SAMD4A: variants seen among roughly 807,000 people sequenced by gnomAD.
SAMD4A encodes the protein sterile alpha motif domain containing 4A.
Under a neutral mutation model 81.3 loss-of-function variants are expected in SAMD4A, and 33 were observed. That is an observed-to-expected ratio of 0.41 (90% CI 0.31 to 0.54). The LOEUF (loss-of-function observed/expected upper bound fraction) is 0.54, where lower values mean the gene tolerates loss of function less well. SAMD4A is among the 20% of genes least tolerant of loss of function. The pLI, the probability that SAMD4A is intolerant of heterozygous loss-of-function variation, is 0.37. For missense variants in SAMD4A, 854 were observed against 951.1 expected (o/e 0.90, Z 1.34); for synonymous variants, 389 against 382.1 (o/e 1.02, Z -0.21).
At chr14:54,577,039 AGGAG>A (rs1432961825) in intron 2 of SAMD4A, among the ~76,000 whole-genome samples, 1 of 152,214 alleles carries the variant, frequency 6.6e-6, no homozygotes, top group African/African-American at 2.4e-5. Context: ...GAAACAAGGA[AGGAG>A]GAAGAGCCAA....
At position 54,665,441 on chromosome 14, in the gene SAMD4A, G is replaced by T. The variant is rs547554838; in HGVS notation, c.197-36621G>T. 1.4e-4 allele frequency among the ~76,000 whole-genome samples: 22 copies of T among 152,252 alleles called. No homozygotes were observed. In the South Asian group the frequency reaches 3.5e-3, roughly 24 times the overall value. ...GATAGATGTGAGGTGTTTTATTCTA[G>T]AGCATAAACTAGATGCTTCTTTCAA... On this transcript the variant is annotated intron_variant, in intron 2 of 12. Coordinates refer to ENST00000554335, the MANE Select transcript of SAMD4A (RefSeq NM_015589.6).
Position 54,750,058 on chromosome 14 carries a change from G to A in SAMD4A, c.1089+1134G>A, listed in dbSNP as rs371533955. On this transcript the variant is annotated intron_variant, in intron 5 of 12. Coordinates refer to ENST00000554335, the MANE Select transcript of SAMD4A (RefSeq NM_015589.6). Reference sequence around the variant, plus strand: ...TTTCTCCCACCTCTTTTTGGATCTTGATTGCTCCTTGAAATCCCAGGGGTT... The same window carrying A: ...TTTCTCCCACCTCTTTTTGGATCTTAATTGCTCCTTGAAATCCCAGGGGTT... Among the ~76,000 whole-genome samples, 166 of 152,248 alleles carry A rather than the reference G, an allele frequency of 1.1e-3. 1 individual carries two copies. The highest frequency in any genetic ancestry group is 3.6e-3 in the African/African-American group (151 of 41,536).
At chr14:54,602,375 C>CACACACACACAT (rs1491307995) in intron 2 of SAMD4A, among the ~76,000 whole-genome samples, 1 of 134,556 alleles carries the variant, frequency 7.4e-6, no homozygotes, top group African/African-American at 2.8e-5. Flanking sequence ...CACACACACA[C>CACACACACACAT]GAAACACCAG....
intron 2 of SAMD4A, among the ~76,000 whole-genome samples, chr14:54,662,548 T>G (rs2035666924): frequency 1.3e-5 from 2 of 152,030 alleles, no homozygotes; most frequent in Non-Finnish European, 2.9e-5. Context: ...TAACTGGGAC[T>G]ACAGGTGCAT....
chr14:54,782,793 A>G (rs754110111), intron 11 of SAMD4A, among the ~76,000 whole-genome samples: 2 of 152,236 alleles, frequency 1.3e-5, no homozygotes, highest in African/African-American at 2.4e-5. Flanking sequence ...AATGTATAGC[A>G]AATCAAGGAA....
Position 54,724,754 on chromosome 14 carries a change from G to A in SAMD4A, c.716-12270G>A, listed in dbSNP as rs371980881. ...AGGAGACCTGGGAACAGGGAAGAACGGTATAATTTGGTGCATTCCTTTCTC... is the reference window on the plus strand; with the variant it reads ...AGGAGACCTGGGAACAGGGAAGAACAGTATAATTTGGTGCATTCCTTTCTC... On this transcript the variant is annotated intron_variant, in intron 3 of 12. Transcript: ENST00000554335. Among the ~76,000 whole-genome samples the A allele has an allele frequency of 1.3e-4, 20 of 152,324 alleles. 1 individual carries two copies. Among genetic ancestry groups the A allele is most frequent in the East Asian group, 5.8e-4 (3 of 5,188 alleles).
intron 2 of SAMD4A, among the ~76,000 whole-genome samples, chr14:54,595,182 G>A (rs2033879106): frequency 6.6e-6 from 1 of 151,932 alleles, no homozygotes; most frequent in Admixed American, 6.6e-5. Context: ...CCAACACAAA[G>A]GTCACTTCTC....
intron 2 of SAMD4A, among the ~76,000 whole-genome samples, chr14:54,639,829 T>C (rs201192863): frequency 1.0e-4 from 13 of 126,386 alleles, no homozygotes; most frequent in Non-Finnish European, 1.7e-4. Context: ...CACACACACG[T>C]ACACACCACT....
At chr14:54,613,841 C>T (rs934899522) in intron 2 of SAMD4A, among the ~76,000 whole-genome samples, 3 of 152,202 alleles carry the variant, frequency 2.0e-5, no homozygotes, top group South Asian at 2.1e-4. Context: ...AGGTCAAACC[C>T]GTTTTCACAA....
chr14:54,574,073 G>A (rs1262889569), intron 2 of SAMD4A, among the ~76,000 whole-genome samples: 1 of 152,144 alleles, frequency 6.6e-6, no homozygotes, highest in African/African-American at 2.4e-5. Context: ...AAGTGTATTT[G>A]GTAAGAAAGT....
intron 2 of SAMD4A, among the ~76,000 whole-genome samples, chr14:54,611,043 T>G (rs1039485812): frequency 3.9e-5 from 6 of 152,186 alleles, no homozygotes; most frequent in African/African-American, 1.4e-4. Context: ...AAAAATCACA[T>G]TAATTGTGAT....
intron 4 of SAMD4A, 38 bp downstream of exon 4, chr14:54,737,325 C>T: frequency 1.2e-6 from 2 of 1,609,578 alleles, no homozygotes; most frequent in Non-Finnish European, 1.7e-6. Context: ...GGAAAGAGCC[C>T]CTCCCTTTAT....
Position 54,791,269 on chromosome 14 carries a change from G to GA in SAMD4A, c.*2331dup, listed in dbSNP as rs998890987. ...ATACTGAGAAAGTGAATAAAGAGGA[G>GA]AAAAAACCATGGTATTACACATCTT... On this transcript the variant is annotated 3_prime_UTR_variant, in exon 13 of 13. Transcript: ENST00000554335. The GA allele has an allele frequency of 5.9e-5, 9 of 152,134 alleles. No individual in the cohort carries two copies. The highest frequency in any genetic ancestry group is 2.1e-4 in the South Asian group (1 of 4,814). 9.4% of individuals were successfully genotyped at this position (152,134 alleles called of 1,614,324 possible). A position where few individuals can be genotyped will look rare whatever the true frequency, so the allele number is the denominator to read the frequency against.
chr14:54,722,143 T>C (rs1293498831), intron 3 of SAMD4A, among the ~76,000 whole-genome samples: 2 of 152,208 alleles, frequency 1.3e-5, no homozygotes, highest in Non-Finnish European at 2.9e-5. Flanking sequence ...AGATGTTGCT[T>C]TTTCCAGTCC....
intron 2 of SAMD4A, among the ~76,000 whole-genome samples, chr14:54,699,107 A>G (rs1259023706): frequency 6.6e-6 from 1 of 152,198 alleles, no homozygotes; most frequent in Non-Finnish European, 1.5e-5. Flanking sequence ...TGATTACAGT[A>G]GGCTTACAGC....
chr14:54,780,167 G>A (rs1008097206), intron 11 of SAMD4A, among the ~76,000 whole-genome samples: 1 of 152,166 alleles, frequency 6.6e-6, no homozygotes, highest in South Asian at 2.1e-4. Context: ...CAGAAGGGTA[G>A]GCTGCACAGC....
intron 11 of SAMD4A, among the ~76,000 whole-genome samples, chr14:54,777,323 A>AGT (rs1345680633): frequency 6.6e-6 from 1 of 152,130 alleles, no homozygotes; most frequent in Admixed American, 6.5e-5. Flanking sequence ...AAAGAAGAGA[A>AGT]GTGTTACTGT....
At chr14:54,689,876 A>G (rs1358505417) in intron 2 of SAMD4A, 2 of 152,266 alleles carry the variant, frequency 1.3e-5, no homozygotes, top group Non-Finnish European at 2.9e-5. Context: ...CGCTGGGGAC[A>G]TCATCTGTGA....
At chr14:54,595,495 T>TA (rs941876079) in intron 2 of SAMD4A, among the ~76,000 whole-genome samples, 2 of 150,634 alleles carry the variant, frequency 1.3e-5, no homozygotes, top group African/African-American at 4.9e-5. Context: ...TTAAACGAAC[T>TA]AAAAAAATCT....
Sources: gnomAD v4.1 joint callset for allele counts (sites outside exome capture counted in the v4.1 genomes callset) on GRCh38, gnomAD v4.1.1 for gene constraint, MANE v1.5 for transcripts, NCBI Gene and HGNC (gene_info 2026-07-23, HGNC 2026-07-21) for gene names.